Variants in TEX15 observed in about 807,000 individuals in gnomAD.
The protein encoded by TEX15 is testis-expressed protein 15.
TEX15 carries 171 observed loss-of-function variants against 237.3 expected under a neutral mutation model. The observed-to-expected ratio is 0.72, with a 90% CI of 0.64 to 0.82. The LOEUF is 0.82. Among genes scored for constraint, TEX15 ranks in the 40% least tolerant of loss-of-function variants. The pLI, the probability that TEX15 is intolerant of heterozygous loss-of-function variation, is 0.00. For synonymous variants in TEX15, 1,338 were observed against 1,269.8 expected (o/e 1.05, Z -1.14); for missense variants, 3,750 against 3,646.5 (o/e 1.03, Z -0.73).
chr8:30,899,554 G>A (rs1029011443), intron 1 of TEX15, among the ~76,000 whole-genome samples: 3 of 152,106 alleles, frequency 2.0e-5, no homozygotes, highest in Admixed American at 1.3e-4. Flanking sequence ...GGGTTCAAGC[G>A]ATTCTCCTGC....
At chr8:30,891,498 T>C (rs75754801) in intron 2 of TEX15, among the ~76,000 whole-genome samples, 17,664 of 151,822 alleles carry the variant, frequency 0.12, 1,700 homozygotes, top group African/African-American at 0.27. Context: ...CTTTTTTTTT[T>C]CGACAATGTC....
intron 1 of TEX15, 77 bp from the exon 2 acceptor site, chr8:30,898,894 C>T (rs1336097526): frequency 1.3e-5 from 2 of 149,288 alleles, no homozygotes; most frequent in Non-Finnish European, 2.9e-5. Context: ...ATTATCTCTT[C>T]ATTGTCTTCT....
In TEX15 at chr8:30,858,681, A is replaced by G. The variant is rs1409327442; in HGVS notation, c.837T>C (p.Phe279=). Reference sequence around the variant, plus strand: ...TGTGTATCTTACCAGCTCTCTTAGGAAATCCTGTTGAGAGGAATCTCAAAG... The same window carrying G: ...TGTGTATCTTACCAGCTCTCTTAGGGAATCCTGTTGAGAGGAATCTCAAAG... ...MTSLRFLSTG[F]PKRAERTCSL... is the part of the protein sequence containing the mutation. The change falls in exon 7 of 11, where the codon TTT becomes TTC. Residue 279 remains phenylalanine (F), a synonymous_variant. Transcript: ENST00000643185. The G allele has an allele frequency of 3.3e-6, 5 of 1,533,342 alleles. No homozygotes were observed. The highest frequency in any genetic ancestry group is 4.4e-6 in the Non-Finnish European group (5 of 1,146,050). 95.0% of individuals were successfully genotyped at this position (1,533,342 alleles called of 1,614,324 possible). A position where few individuals can be genotyped will look rare whatever the true frequency, so the allele number is the denominator to read the frequency against.
intron 7 of TEX15, 55 bp from the exon 8 acceptor site, chr8:30,849,371 A>G: frequency 1.0e-6 from 1 of 976,308 alleles, no homozygotes; most frequent in Non-Finnish European, 1.5e-6. Context: ...ATAGACAACT[A>G]TTAATACAGG....
chr8:30,863,056 C>A (rs1808084371), intron 5 of TEX15, among the ~76,000 whole-genome samples: 1 of 152,122 alleles, frequency 6.6e-6, no homozygotes, highest in Non-Finnish European at 1.5e-5. Context: ...TGAAGGCTTG[C>A]AACTTTCAGG....
At chr8:30,855,503 A>C (rs538036866) in intron 7 of TEX15, among the ~76,000 whole-genome samples, 2 of 152,336 alleles carry the variant, frequency 1.3e-5, no homozygotes, top group South Asian at 4.1e-4. Context: ...GTGAATTTAA[A>C]TGGTGCAGCC....
chr8:30,858,610 T>C, intron 7 of TEX15, 58 bp downstream of exon 7: 1 of 1,391,230 alleles, frequency 7.2e-7, no homozygotes, highest in Non-Finnish European at 9.6e-7. Flanking sequence ...TAAATAATAC[T>C]GAGAAATTTT....
In TEX15 at chr8:30,847,426, C is replaced by T. The variant is rs1019127155; in HGVS notation, c.2741G>A (p.Ser914Asn). The change falls in exon 8 of 11, where the codon AGT (serine) becomes AAT (asparagine). Residue 914 changes from serine (S) to asparagine (N), a missense_variant. Coordinates refer to ENST00000643185, the MANE Select transcript of TEX15 (RefSeq NM_001350162.2). ...DKNYHNIEILSSEEFSTKFNL... is the reference protein window; with the variant it reads ...DKNYHNIEILNSEEFSTKFNL... ...AAATTTAGTAGAAAATTCTTCAGAA[C>T]TCAAAATTTCTATATTGTGGTAATT... 9 of 1,611,466 alleles carry T rather than the reference C, an allele frequency of 5.6e-6. No individual in the cohort carries two copies. The highest frequency in any genetic ancestry group is 7.6e-6 in the Non-Finnish European group (9 of 1,179,412).
rs747527953 is a variant in TEX15 at position 30,837,155 on chromosome 8, A to C, written c.9129T>G (p.Ala3043=). ...HLFGTSYPYS[A]WCVYQYSNSN... ...TGTTGCTGTACTGATAAACACACCA[A>C]GCAGAGTATGGATATGAAGTTCCAA... is the stretch of plus-strand genomic sequence containing the variant. The change falls in exon 10 of 11, where the codon GCT becomes GCG. Residue 3043 remains alanine, a synonymous_variant. Coordinates refer to ENST00000643185, the MANE Select transcript of TEX15 (RefSeq NM_001350162.2). 11 of 1,614,008 alleles carry C rather than the reference A, an allele frequency of 6.8e-6. No homozygotes were observed. In the Admixed American group the frequency reaches 1.3e-4, roughly 20 times the overall value.
At chr8:30,839,985 GA>G (rs1233833202) in intron 8 of TEX15, 21 bp from the exon 9 acceptor site, 1 of 1,496,132 alleles carries the variant, frequency 6.7e-7, no homozygotes, top group Non-Finnish European at 9.1e-7. Flanking sequence ...AAGATACAAA[GA>G]AAATCTTCAT....
intron 6 of TEX15, 102 bp downstream of exon 6, chr8:30,859,809 A>G: frequency 1.1e-6 from 1 of 904,620 alleles, no homozygotes; most frequent in Non-Finnish European, 1.5e-6. Context: ...ATTATATTGA[A>G]CGAATTAAGA....
chr8:30,872,759 CAAAA>C lies in TEX15; in HGVS notation c.302+2174_302+2177del, dbSNP rs1191313519. Among the ~76,000 whole-genome samples, 3 of 151,096 alleles carry C rather than the reference CAAAA, an allele frequency of 2.0e-5. No individual in the cohort carries two copies. In the East Asian group the frequency reaches 5.8e-4, roughly 29 times the overall value. Reference sequence around the variant, plus strand: ...AAAGAGTTCTAAAAGTTAAAAAAAACAAAAAACAGAAAAAAGTGTATAGAATAAG... The same window carrying C: ...AAAGAGTTCTAAAAGTTAAAAAAAACAACAGAAAAAAGTGTATAGAATAAG... On this transcript the variant is annotated intron_variant, in intron 4 of 10. Transcript: ENST00000643185.
chr8:30,845,353 C>A lies in TEX15; in HGVS notation c.4814G>T (p.Ser1605Ile), dbSNP rs1477052675. ...HNVKDATKEN[S>I]CDANEVINES... ...ATTTATTACTTCATTAGCGTCACAA[C>A]TGTTTTCTTTAGTTGCATCTTTAAC... Residue 1605 changes from serine to isoleucine, a missense_variant, in exon 8 of 11, where the codon AGT becomes ATT. By Grantham distance (142) the Ser-to-Ile change is moderately radical (BLOSUM62 -2). Transcript: ENST00000643185. 2.5e-6 allele frequency: 4 copies of A among 1,611,842 alleles called. No individual in the cohort carries two copies. The highest frequency in any genetic ancestry group is 3.4e-6 in the Non-Finnish European group (4 of 1,178,686).
At position 30,837,899 on chromosome 8, in the gene TEX15, C is replaced by T. The variant is rs371955113; in HGVS notation, c.8385G>A (p.Ser2795=). The change falls in exon 10 of 11, where the codon TCG becomes TCA. Residue 2795 remains serine, a synonymous_variant. Coordinates refer to ENST00000643185, the MANE Select transcript of TEX15 (RefSeq NM_001350162.2). ...AAACAGTTAAGTCTATTTTGCTTTC[C>T]GACTTTGATGCGCAAGTGTCTTTTG... ...ENPKDTCASK[S]ESKIDLTVSS... is the part of the protein sequence containing the mutation. 4.0e-5 allele frequency: 65 copies of T among 1,613,954 alleles called. No homozygotes were observed. Among genetic ancestry groups the T allele is most frequent in the Admixed American group, 6.7e-5 (4 of 59,972 alleles).
At chr8:30,849,348 AAAAAG>A (rs1807715623) in intron 7 of TEX15, 32 bp from the exon 8 acceptor site, 1 of 1,372,898 alleles carries the variant, frequency 7.3e-7, no homozygotes, top group African/African-American at 1.5e-5. Flanking sequence ...CAAATTTGAA[AAAAAG>A]TGTTTCTATA....
chr8:30,878,447 G>A (rs1025514038), intron 3 of TEX15, among the ~76,000 whole-genome samples: 1 of 151,998 alleles, frequency 6.6e-6, no homozygotes, highest in Non-Finnish European at 1.5e-5. Context: ...GCAATGGCGC[G>A]ATCTCGGCTC....
chr8:30,879,757 T>C (rs1461094723), intron 3 of TEX15, among the ~76,000 whole-genome samples: 1 of 152,008 alleles, frequency 6.6e-6, no homozygotes, highest in Non-Finnish European at 1.5e-5. Context: ...TTCTAGTTTC[T>C]TTGCCTTCCC....
rs755980554 is a variant in TEX15, at chr8:30,837,769, C to A, written c.8515G>T (p.Ala2839Ser). The change falls in exon 10 of 11, where the codon GCT becomes TCT. Residue 2839 changes from alanine (A) to serine (S), a missense_variant. By Grantham distance (99) the Ala-to-Ser change is moderately conservative. Coordinates refer to ENST00000643185, the MANE Select transcript of TEX15 (RefSeq NM_001350162.2). ...CTTTTTTGGTCACAAATTGCAAAAG[C>A]AGCACAATCTTTCTTATCACTTTTT... is the stretch of plus-strand genomic sequence containing the variant. ...ETKSDKKDCA[A>S]FAICDQKSVH... 1.2e-6 allele frequency: 2 copies of A among 1,614,154 alleles called. No individual in the cohort carries two copies. The highest frequency in any genetic ancestry group is 3.3e-5 in the Admixed American group (2 of 60,020).
At position 30,837,387 on chromosome 8, in the gene TEX15, A is replaced by G; in HGVS notation, c.8897T>C (p.Met2966Thr). The G allele has an allele frequency of 3.7e-6, 6 of 1,614,092 alleles. No homozygotes were observed. Among genetic ancestry groups the G allele is most frequent in the Non-Finnish European group, 4.2e-6 (5 of 1,179,974 alleles). Residue 2966 changes from methionine to threonine, a missense_variant, in exon 10 of 11, where the codon ATG (methionine) becomes ACG (threonine). Physicochemically the swap from Met to Thr is moderately conservative, Grantham distance 81. Coordinates refer to ENST00000643185, the MANE Select transcript of TEX15 (RefSeq NM_001350162.2). ...PTETESEDKYMKDTLNPNTVH... is the reference protein window; with the variant it reads ...PTETESEDKYTKDTLNPNTVH... ...AGTATTGGGATTCAATGTATCCTTC[A>G]TGTATTTGTCCTCTGACTCAGTTTC...
Sources: allele counts gnomAD v4.1 joint callset (sites outside exome capture counted in the v4.1 genomes callset), GRCh38; gene constraint gnomAD v4.1.1; transcripts MANE v1.5; gene names NCBI Gene and HGNC (gene_info 2026-07-23, HGNC 2026-07-21).